Variants in CLSTN2 observed in about 807,000 individuals in gnomAD.
The protein encoded by CLSTN2 is calsyntenin-2.
Under a neutral mutation model 101.2 loss-of-function variants are expected in CLSTN2, and 48 were observed. The ratio of observed to expected loss-of-function variants is 0.47; its 90% CI spans 0.38 to 0.60. The LOEUF is 0.60. Ranked by LOEUF, CLSTN2 falls within the 20% of genes least tolerant of loss-of-function variation. The probability of loss-of-function intolerance (pLI) is 0.00; values close to 1 mark genes in which losing one functional copy is unlikely to be tolerated. For synonymous variants in CLSTN2, 481 were observed against 463.6 expected (o/e 1.04, Z -0.48); for missense variants, 1,160 against 1,238.2 (o/e 0.94, Z 0.95).
At chr3:140,552,119 C>A (rs889464132) in intron 10 of CLSTN2, among the ~76,000 whole-genome samples, 4 of 152,124 alleles carry the variant, frequency 2.6e-5, no homozygotes, top group Non-Finnish European at 5.9e-5. Context: ...TGAGCAGGGA[C>A]TTCCCTGATG....
At chr3:140,550,175 C>T (rs1240527678) in intron 10 of CLSTN2, among the ~76,000 whole-genome samples, 1 of 151,654 alleles carries the variant, frequency 6.6e-6, no homozygotes, top group Non-Finnish European at 1.5e-5. Flanking sequence ...TATCAGAGCC[C>T]ACCTATTAAC....
intron 1 of CLSTN2, among the ~76,000 whole-genome samples, chr3:140,150,724 T>C (rs1046914147): frequency 3.9e-5 from 6 of 152,112 alleles, no homozygotes; most frequent in African/African-American, 1.2e-4. Flanking sequence ...TCCACTTCTT[T>C]CTCTGCCCTT....
At chr3:140,117,091 G>A (rs1481347853) in intron 1 of CLSTN2, among the ~76,000 whole-genome samples, 2 of 152,142 alleles carry the variant, frequency 1.3e-5, no homozygotes, top group Admixed American at 6.5e-5. Flanking sequence ...TTTCCTGTGT[G>A]TGAAATGTCT....
At chr3:140,155,271 A>G (rs769002152) in intron 1 of CLSTN2, among the ~76,000 whole-genome samples, 3 of 152,184 alleles carry the variant, frequency 2.0e-5, no homozygotes, top group Non-Finnish European at 2.9e-5. Flanking sequence ...GAGAAGTTCT[A>G]TGTTTTACTG....
At chr3:140,244,377 G>GACCC (rs2086496830) in intron 2 of CLSTN2, among the ~76,000 whole-genome samples, 1 of 152,134 alleles carries the variant, frequency 6.6e-6, no homozygotes, top group Admixed American at 6.5e-5. Flanking sequence ...TGTAGTATGG[G>GACCC]ACCCACCCTA....
At chr3:140,552,395 G>A (rs1366716563) in intron 10 of CLSTN2, among the ~76,000 whole-genome samples, 14 of 82,808 alleles carry the variant, frequency 1.7e-4, no homozygotes, top group East Asian at 8.8e-4. Flanking sequence ...TGGGAATACC[G>A]CAGTTTAAAA....
chr3:140,369,708 A>AC (rs2087829821), intron 2 of CLSTN2, among the ~76,000 whole-genome samples: 2 of 151,406 alleles, frequency 1.3e-5, no homozygotes, highest in African/African-American at 4.9e-5. Flanking sequence ...CCCCTCCTCC[A>AC]CCCCCAGCTT....
At position 140,143,692 on chromosome 3, in the gene CLSTN2, A is replaced by G. The variant is rs1033283091; in HGVS notation, c.110-32259A>G. 5.9e-5 allele frequency among the ~76,000 whole-genome samples: 9 copies of G among 152,210 alleles called. 1 individual carries two copies. The highest frequency in any genetic ancestry group is 4.4e-5 in the Non-Finnish European group (3 of 68,040). On this transcript the variant is annotated intron_variant, in intron 1 of 16. Coordinates refer to ENST00000458420, the MANE Select transcript of CLSTN2 (RefSeq NM_022131.3). ...GTGCCCAGTCCCACCTACATGTGCC[A>G]GTCAGGAAGCCTGCCTAATCAGTTG... is the stretch of plus-strand genomic sequence containing the variant.
rs551168482 is a variant in CLSTN2, at chr3:140,364,705, C to A, written c.233-38924C>A. Among the ~76,000 whole-genome samples the A allele has an allele frequency of 4.6e-5, 7 of 152,288 alleles. No individual in the cohort carries two copies. The South Asian group carries it at 1.4e-3, about 32-fold the overall frequency. ...GAGGGCCAGTATAGAAGCAGAGGCC[C>A]ATCTTGGGAAGATTCTTAATTCAAA... On this transcript the variant is annotated intron_variant, in intron 2 of 16. Transcript: ENST00000458420.
chr3:140,038,316 TTA>T (rs1576405503), intron 1 of CLSTN2, among the ~76,000 whole-genome samples: 2 of 152,334 alleles, frequency 1.3e-5, no homozygotes, highest in Non-Finnish European at 1.5e-5. Flanking sequence ...GAGCTTTTTT[TTA>T]TATGTTTCTT....
At chr3:140,129,402 C>T (rs1224721217) in intron 1 of CLSTN2, among the ~76,000 whole-genome samples, 1 of 152,178 alleles carries the variant, frequency 6.6e-6, no homozygotes, top group Non-Finnish European at 1.5e-5. Flanking sequence ...TCAAACCTAG[C>T]TTCTTTTGTT....
rs571276562 is a variant in CLSTN2, at chr3:140,345,029, T to C, written c.233-58600T>C. 1.5e-4 allele frequency among the ~76,000 whole-genome samples: 23 copies of C among 152,270 alleles called. No homozygotes were observed. In the South Asian group the frequency reaches 4.4e-3, roughly 29 times the overall value. Reference sequence around the variant, plus strand: ...ATCTGAGTGTATCCAAAAAATGCCATCTGCTTTCAGGGCATGTCGAGACTA... The same window carrying C: ...ATCTGAGTGTATCCAAAAAATGCCACCTGCTTTCAGGGCATGTCGAGACTA... On this transcript the variant is annotated intron_variant, in intron 2 of 16. Transcript: ENST00000458420.
At chr3:140,280,823 T>C (rs2086838678) in intron 2 of CLSTN2, among the ~76,000 whole-genome samples, 1 of 152,158 alleles carries the variant, frequency 6.6e-6, no homozygotes, top group Admixed American at 6.5e-5. Context: ...CTTGAAGAAC[T>C]TGCCTGGGGT....
At chr3:139,990,005 T>C (rs973941554) in intron 1 of CLSTN2, among the ~76,000 whole-genome samples, 2 of 152,228 alleles carry the variant, frequency 1.3e-5, no homozygotes, top group African/African-American at 4.8e-5. Flanking sequence ...CTATAAACTC[T>C]GCTCACCCTT....
intron 2 of CLSTN2, among the ~76,000 whole-genome samples, chr3:140,214,420 C>A (rs926968626): frequency 6.6e-6 from 1 of 150,742 alleles, no homozygotes; most frequent in South Asian, 2.1e-4. Context: ...TGCCATTGCA[C>A]TCCAGCCTGG....
intron 4 of CLSTN2, among the ~76,000 whole-genome samples, chr3:140,405,851 T>G (rs1323448776): frequency 6.6e-6 from 1 of 152,232 alleles, no homozygotes; most frequent in Non-Finnish European, 1.5e-5. Context: ...TATATGTTCT[T>G]CCTACTTTGT....
chr3:140,271,589 C>T (rs532955695), intron 2 of CLSTN2, among the ~76,000 whole-genome samples: 1 of 152,124 alleles, frequency 6.6e-6, no homozygotes, highest in South Asian at 2.1e-4. Flanking sequence ...GACTGACAAC[C>T]TCCCTCAGGC....
chr3:140,507,050 A>T (rs1428679354), intron 8 of CLSTN2: 1 of 152,152 alleles, frequency 6.6e-6, no homozygotes, highest in Non-Finnish European at 1.5e-5. Flanking sequence ...ACTGGTCCAG[A>T]TGGGGTGATG....
chr3:140,149,966 T>C (rs576150221), intron 1 of CLSTN2, among the ~76,000 whole-genome samples: 70 of 152,260 alleles, frequency 4.6e-4, no homozygotes, highest in African/African-American at 1.6e-3. Context: ...ACTTGTATCA[T>C]GGGGCAGGGA....
Sources: allele counts gnomAD v4.1 joint callset (sites outside exome capture counted in the v4.1 genomes callset), GRCh38; gene constraint gnomAD v4.1.1; transcripts MANE v1.5; gene names NCBI Gene and HGNC (gene_info 2026-07-23, HGNC 2026-07-21).